DENND1A: variants seen among roughly 807,000 people sequenced by gnomAD.
DENND1A encodes the protein DENN domain containing 1A.
Under a neutral mutation model 113.7 loss-of-function variants are expected in DENND1A, and 51 were observed. That is an observed-to-expected ratio of 0.45 (90% confidence interval 0.36 to 0.57). DENND1A has a LOEUF of 0.57. Ranked by LOEUF, DENND1A falls within the 20% of genes least tolerant of loss-of-function variation. The pLI is 0.00. For synonymous variants in DENND1A, 565 were observed against 570.8 expected (o/e 0.99, Z 0.14); for missense variants, 1,258 against 1,395.9 (o/e 0.90, Z 1.57).
chr9:123,538,667 AAGT>A (rs2055987323), intron 13 of DENND1A, among the ~76,000 whole-genome samples: 1 of 150,444 alleles, frequency 6.6e-6, no homozygotes, highest in South Asian at 2.1e-4. Flanking sequence ...TAAAAATTAA[AAGT>A]AATTAAATAA....
At chr9:123,409,918 C>T (rs577180777) in intron 20 of DENND1A, among the ~76,000 whole-genome samples, 11 of 152,212 alleles carry the variant, frequency 7.2e-5, no homozygotes, top group South Asian at 4.2e-4. Flanking sequence ...AGTGAAACCC[C>T]GTCTCTATTA....
At chr9:123,690,180 G>A (rs2065102291) in intron 5 of DENND1A, among the ~76,000 whole-genome samples, 1 of 150,954 alleles carries the variant, frequency 6.6e-6, no homozygotes, top group Non-Finnish European at 1.5e-5. Context: ...GGGAAAACAA[G>A]GGGTATACAC....
At chr9:123,852,925 T>A (rs1843592450) in intron 2 of DENND1A, among the ~76,000 whole-genome samples, 1 of 152,080 alleles carries the variant, frequency 6.6e-6, no homozygotes, top group Non-Finnish European at 1.5e-5. Flanking sequence ...TCTTTTTTTC[T>A]TTTTTGGTTT....
At chr9:123,412,117 T>G (rs1032225885) in intron 19 of DENND1A, among the ~76,000 whole-genome samples, 1 of 152,140 alleles carries the variant, frequency 6.6e-6, no homozygotes, top group African/African-American at 2.4e-5. Context: ...CCAGGTGCAA[T>G]AGGGCGAGCC....
chr9:123,581,624 CA>C (rs113405552), intron 12 of DENND1A, among the ~76,000 whole-genome samples: 288 of 135,626 alleles, frequency 2.1e-3, no homozygotes, highest in Admixed American at 1.9e-3. Flanking sequence ...GACACTGTTT[CA>C]AAAAAAAAAA....
chr9:123,535,313 G>A (rs1271505677), intron 13 of DENND1A, among the ~76,000 whole-genome samples: 1 of 152,308 alleles, frequency 6.6e-6, no homozygotes, highest in East Asian at 1.9e-4. Context: ...GGGCATGGTG[G>A]TGTGCATCTG....
At position 123,901,752 on chromosome 9, in the gene DENND1A, C is replaced by A. The variant is rs1027316078; in HGVS notation, c.18-22731G>T. On this transcript the variant is annotated intron_variant, in intron 1 of 23. Coordinates refer to ENST00000394215, the MANE Select transcript of DENND1A (RefSeq NM_001352964.2). ...AATAAAGGTGATGTCTGCCTGTAAT[C>A]CCAGCACTGTGGGAGGCTGAGGCGG... Among the ~76,000 whole-genome samples the A allele has an allele frequency of 4.6e-5, 7 of 152,280 alleles. No individual in the cohort carries two copies. The East Asian group carries it at 1.4e-3, about 29-fold the overall frequency.
intron 21 of DENND1A, among the ~76,000 whole-genome samples, chr9:123,389,346 G>A (rs1000010232): frequency 1.3e-5 from 2 of 152,376 alleles, no homozygotes; most frequent in East Asian, 1.9e-4. Flanking sequence ...AGGAGGCAGC[G>A]AGTCCCAGTG....
chr9:123,897,870 A>G (rs1448931100), intron 1 of DENND1A, among the ~76,000 whole-genome samples: 1 of 151,164 alleles, frequency 6.6e-6, no homozygotes, highest in Non-Finnish European at 1.5e-5. Flanking sequence ...GCTTGAGCCC[A>G]GGAGTTCAAG....
chr9:123,895,508 G>C (rs986691614), intron 1 of DENND1A, among the ~76,000 whole-genome samples: 1 of 151,772 alleles, frequency 6.6e-6, no homozygotes, highest in African/African-American at 2.4e-5. Flanking sequence ...TGTAATCCCA[G>C]CTACTTGGGA....
At chr9:123,709,121 C>CT (rs1434355408) in intron 5 of DENND1A, among the ~76,000 whole-genome samples, 1 of 152,152 alleles carries the variant, frequency 6.6e-6, no homozygotes, top group African/African-American at 2.4e-5. Flanking sequence ...TGTTCTATGT[C>CT]TAAAAAGTGG....
intron 9 of DENND1A, among the ~76,000 whole-genome samples, chr9:123,634,369 A>G (rs2061610634): frequency 6.6e-6 from 1 of 152,232 alleles, no homozygotes; most frequent in Non-Finnish European, 1.5e-5. Flanking sequence ...CTCTTTTCCA[A>G]AATACTAAAT....
At chr9:123,505,006 G>C (rs1457277897) in intron 13 of DENND1A, among the ~76,000 whole-genome samples, 1 of 152,206 alleles carries the variant, frequency 6.6e-6, no homozygotes, top group Non-Finnish European at 1.5e-5. Context: ...TGTAAAAGAA[G>C]AGTTTTGCTG....
chr9:123,435,250 G>A (rs1412289146), intron 19 of DENND1A, among the ~76,000 whole-genome samples: 2 of 152,206 alleles, frequency 1.3e-5, no homozygotes, highest in Non-Finnish European at 2.9e-5. Flanking sequence ...GGCACTCAGA[G>A]CCAAGGGTGC....
chr9:123,382,709 T>A, intron 23 of DENND1A, 84 bp from the exon 24 acceptor site: 2 of 1,406,434 alleles, frequency 1.4e-6, no homozygotes, highest in Non-Finnish European at 2.0e-6. Context: ...TTCTGTGTGC[T>A]GAATGTGTGC....
chr9:123,457,649 C>G (rs536506377), intron 14 of DENND1A, 144 bp downstream of exon 14: 15 of 825,062 alleles, frequency 1.8e-5, no homozygotes, highest in Admixed American at 1.0e-4. Flanking sequence ...TGACTGCTCT[C>G]TTCATCCAAT....
At chr9:123,644,777 T>G (rs552953930) in intron 9 of DENND1A, among the ~76,000 whole-genome samples, 1 of 152,330 alleles carries the variant, frequency 6.6e-6, no homozygotes, top group South Asian at 2.1e-4. Context: ...CCTCTCCTAT[T>G]GACTAGGACA....
chr9:123,768,797 G>GT, intron 4 of DENND1A, among the ~76,000 whole-genome samples: 1 of 133,192 alleles, frequency 7.5e-6, no homozygotes. Context: ...GTTTTATAAA[G>GT]TAAAAAAAAA....
intron 5 of DENND1A, among the ~76,000 whole-genome samples, chr9:123,715,355 G>C (rs1388509349): frequency 1.3e-5 from 2 of 152,106 alleles, no homozygotes; most frequent in African/African-American, 4.8e-5. Context: ...CACATAAAAA[G>C]AGCCTTGGTC....
Sources: allele counts gnomAD v4.1 joint callset (sites outside exome capture counted in the v4.1 genomes callset), GRCh38; gene constraint gnomAD v4.1.1; transcripts MANE v1.5; gene names NCBI Gene and HGNC (gene_info 2026-07-23, HGNC 2026-07-21).